MYO10: variants seen among roughly 807,000 people sequenced by gnomAD.
MYO10 encodes myosin X.
A neutral mutation model predicts 257.3 loss-of-function variants in MYO10; 133 were observed. The ratio of observed to expected loss-of-function variants is 0.52; its 90% CI spans 0.45 to 0.60. MYO10 has a LOEUF of 0.60. Ranked by LOEUF, MYO10 falls within the 20% of genes least tolerant of loss-of-function variation. MYO10 has a pLI of 0.00. For synonymous variants in MYO10, 1,104 were observed against 1,028.6 expected, an observed-to-expected ratio of 1.07 and a Z score of -1.40; for missense variants, 2,399 against 2,635.7, an observed-to-expected ratio of 0.91 and a Z score of 1.97.
intron 3 of MYO10, among the ~76,000 whole-genome samples, chr5:16,810,644 AT>A (rs1742407741): frequency 6.6e-6 from 1 of 152,154 alleles, no homozygotes; most frequent in Non-Finnish European, 1.5e-5. Flanking sequence ...AAATTTAAAA[AT>A]TAGCCAGGCG....
At chr5:16,825,866 C>T (rs925546652) in intron 2 of MYO10, among the ~76,000 whole-genome samples, 3 of 151,852 alleles carry the variant, frequency 2.0e-5, no homozygotes, top group Non-Finnish European at 2.9e-5. Context: ...AAAACCAGGC[C>T]GGGCACGGTG....
chr5:16,727,148 T>C (rs1373304864), intron 19 of MYO10, among the ~76,000 whole-genome samples: 1 of 152,132 alleles, frequency 6.6e-6, no homozygotes, highest in Non-Finnish European at 1.5e-5. Context: ...ACATTTTGGA[T>C]ATAGTAAAAA....
Position 16,713,792 on chromosome 5 carries a change from G to A in MYO10, c.1930-2547C>T, listed in dbSNP as rs1038879434. Among the ~76,000 whole-genome samples the A allele has an allele frequency of 1.2e-4, 18 of 152,342 alleles. 1 individual carries two copies. The South Asian group carries it at 2.7e-3, about 23-fold the overall frequency. Reference sequence around the variant, plus strand: ...AATGTTCAAAGATGACACAGCTGGAGGCTGGACAAGGCACAACTTAAAGGC... The same window carrying A: ...AATGTTCAAAGATGACACAGCTGGAAGCTGGACAAGGCACAACTTAAAGGC... On this transcript the variant is annotated intron_variant, in intron 19 of 40. Transcript: ENST00000513610.
intron 2 of MYO10, among the ~76,000 whole-genome samples, chr5:16,861,619 G>A (rs1229729737): frequency 6.6e-6 from 1 of 152,066 alleles, no homozygotes; most frequent in Non-Finnish European, 1.5e-5. Flanking sequence ...GTGAGAAGTG[G>A]CATGAGAACC....
chr5:16,931,915 C>CA (rs980128165), intron 1 of MYO10, among the ~76,000 whole-genome samples: 4 of 151,922 alleles, frequency 2.6e-5, no homozygotes, highest in East Asian at 3.9e-4. Flanking sequence ...AGATCACAAA[C>CA]AAAAAAAATA....
intron 29 of MYO10, among the ~76,000 whole-genome samples, chr5:16,684,530 T>G (rs531882796): frequency 1.3e-5 from 2 of 152,334 alleles, no homozygotes; most frequent in African/African-American, 4.8e-5. Flanking sequence ...AGGTCTGAGC[T>G]TCCGCACCTG....
At chr5:16,750,202 C>T (rs751573509) in intron 19 of MYO10, among the ~76,000 whole-genome samples, 6 of 152,158 alleles carry the variant, frequency 3.9e-5, no homozygotes, top group Non-Finnish European at 8.8e-5. Flanking sequence ...GGGAAGCAGG[C>T]TTTTCTAGGT....
At chr5:16,929,054 G>A (rs1282880172) in intron 1 of MYO10, among the ~76,000 whole-genome samples, 3 of 151,052 alleles carry the variant, frequency 2.0e-5, no homozygotes, top group Non-Finnish European at 4.4e-5. Flanking sequence ...CTGGGTTCAC[G>A]CCCTTCTCCT....
intron 3 of MYO10, among the ~76,000 whole-genome samples, chr5:16,816,208 A>G (rs964012369): frequency 6.6e-6 from 1 of 151,814 alleles, no homozygotes; most frequent in Non-Finnish European, 1.5e-5. Context: ...GCGTGGTAGC[A>G]CACGCCTGTA....
At chr5:16,899,628 C>CAA (rs370278252) in intron 1 of MYO10, among the ~76,000 whole-genome samples, 4,554 of 123,166 alleles carry the variant, frequency 0.037, 223 homozygotes, top group African/African-American at 0.12. Context: ...AACTCAGTTT[C>CAA]AAAAAAAAAA....
At chr5:16,867,237 T>C (rs996610190) in intron 2 of MYO10, among the ~76,000 whole-genome samples, 2 of 152,206 alleles carry the variant, frequency 1.3e-5, no homozygotes, top group African/African-American at 2.4e-5. Flanking sequence ...TTGAAGTCAC[T>C]GGGTTCTAGT....
intron 3 of MYO10, among the ~76,000 whole-genome samples, chr5:16,797,993 A>G (rs1389333872): frequency 6.6e-6 from 1 of 152,252 alleles, no homozygotes; most frequent in Non-Finnish European, 1.5e-5. Flanking sequence ...GATTAATGCC[A>G]TTATTGCAGG....
intron 2 of MYO10, among the ~76,000 whole-genome samples, chr5:16,870,450 C>T (rs185409365): frequency 6.6e-6 from 1 of 151,700 alleles, no homozygotes; most frequent in Non-Finnish European, 1.5e-5. Context: ...ATTCAGCCCG[C>T]TCTCCAGCCC....
At chr5:16,924,210 C>T (rs1488619065) in intron 1 of MYO10, among the ~76,000 whole-genome samples, 1 of 151,340 alleles carries the variant, frequency 6.6e-6, no homozygotes, top group East Asian at 2.0e-4. Context: ...TCAACAACCA[C>T]GCTGGGGGGT....
At chr5:16,711,519 C>T (rs183257088) in intron 19 of MYO10, among the ~76,000 whole-genome samples, 21 of 152,304 alleles carry the variant, frequency 1.4e-4, no homozygotes, top group Non-Finnish European at 2.5e-4. Flanking sequence ...CACGGTGGCT[C>T]GCGCCTGTAA....
intron 9 of MYO10, among the ~76,000 whole-genome samples, chr5:16,778,875 G>A (rs374840115): frequency 9.9e-5 from 15 of 151,920 alleles, no homozygotes; most frequent in African/African-American, 2.4e-4. Context: ...TATTTTTAGT[G>A]GAGACGGGGT....
chr5:16,747,792 G>C (rs1255004494), intron 19 of MYO10, among the ~76,000 whole-genome samples: 6 of 151,764 alleles, frequency 4.0e-5, no homozygotes, highest in African/African-American at 1.4e-4. Flanking sequence ...GGTGGCAGGT[G>C]CCTGTAGTCC....
rs576582971 is a variant in MYO10 at position 16,823,107 on chromosome 5, G to A, written c.121-4940C>T. Among the ~76,000 whole-genome samples, 15 of 151,756 alleles carry A rather than the reference G, an allele frequency of 9.9e-5. No homozygotes were observed. In the South Asian group the frequency reaches 2.9e-3, roughly 30 times the overall value. On this transcript the variant is annotated intron_variant, in intron 2 of 40. Coordinates refer to ENST00000513610, the MANE Select transcript of MYO10 (RefSeq NM_012334.3). The stretch of plus-strand genomic sequence containing the variant: ...TGCAACAATTAGCAGGGTATTAGTC[G>A]TGCAAGGTATACAGCAGGAAAGAAA...
At chr5:16,774,794 A>C (rs1741168038) in intron 9 of MYO10, among the ~76,000 whole-genome samples, 1 of 152,220 alleles carries the variant, frequency 6.6e-6, no homozygotes, top group African/African-American at 2.4e-5. Flanking sequence ...TGACCACCCA[A>C]GTTTTCCAAC....
Sources: allele counts gnomAD v4.1 joint callset (sites outside exome capture counted in the v4.1 genomes callset), GRCh38; gene constraint gnomAD v4.1.1; transcripts MANE v1.5; gene names NCBI Gene and HGNC (gene_info 2026-07-23, HGNC 2026-07-21).